ANKRD31: variants seen among roughly 807,000 people sequenced by gnomAD.
The protein encoded by ANKRD31 is ankyrin repeat domain 31.
Under a neutral mutation model 186.0 loss-of-function variants are expected in ANKRD31, and 147 were observed. The observed-to-expected ratio is 0.79, with a 90% confidence interval of 0.69 to 0.91. The LOEUF (loss-of-function observed/expected upper bound fraction) is 0.91, where lower values mean the gene tolerates loss of function less well. Ranked by LOEUF, ANKRD31 falls within the 40% of genes least tolerant of loss-of-function variation. The pLI, the probability that ANKRD31 is intolerant of heterozygous loss-of-function variation, is 0.00. For synonymous variants in ANKRD31, 673 were observed against 736.4 expected, an observed-to-expected ratio of 0.91 and a Z score of 1.39; for missense variants, 1,986 against 2,148.8, an observed-to-expected ratio of 0.92 and a Z score of 1.50.
At chr5:75,203,418 C>T (rs1229036138) in intron 5 of ANKRD31, among the ~76,000 whole-genome samples, 1 of 152,090 alleles carries the variant, frequency 6.6e-6, no homozygotes, top group East Asian at 1.9e-4. Context: ...AATCCCAGCA[C>T]TTTGGGAGAC....
At chr5:75,131,669 C>T (rs113521297) in intron 17 of ANKRD31, among the ~76,000 whole-genome samples, 5,658 of 152,242 alleles carry the variant, frequency 0.037, 345 homozygotes, top group African/African-American at 0.13. Flanking sequence ...TAGTGGTTCT[C>T]CCAGCATGGA....
At chr5:75,175,664 C>CACAA (rs1451769332) in intron 10 of ANKRD31, among the ~76,000 whole-genome samples, 167 of 151,956 alleles carry the variant, frequency 1.1e-3, no homozygotes, top group African/African-American at 3.8e-3. Flanking sequence ...CACACACACA[C>CACAA]ACACACACAC....
chr5:75,231,033 T>C (rs1321194644), intron 1 of ANKRD31, among the ~76,000 whole-genome samples: 2 of 152,152 alleles, frequency 1.3e-5, no homozygotes, highest in Non-Finnish European at 2.9e-5. Context: ...CCCAGGATTA[T>C]ATCTGAGTAT....
At chr5:75,199,307 T>C (rs1755663183) in intron 6 of ANKRD31, among the ~76,000 whole-genome samples, 1 of 152,124 alleles carries the variant, frequency 6.6e-6, no homozygotes, top group Admixed American at 6.5e-5. Flanking sequence ...TAGCACCAAG[T>C]AAAAAGCAAA....
intron 14 of ANKRD31, 29 bp from the exon 15 acceptor site, chr5:75,144,200 T>C (rs1751260745): frequency 5.0e-6 from 2 of 396,458 alleles, no homozygotes; most frequent in Non-Finnish European, 8.9e-6. Context: ...AATATCAGTG[T>C]TGTTGTTCTC....
At chr5:75,179,954 C>G (rs190427729) in intron 10 of ANKRD31, among the ~76,000 whole-genome samples, 2 of 152,282 alleles carry the variant, frequency 1.3e-5, no homozygotes, top group African/African-American at 4.8e-5. Context: ...TCCCTGTTTT[C>G]AGATGACATG....
chr5:75,204,341 A>G (rs1756014798), intron 5 of ANKRD31, among the ~76,000 whole-genome samples: 2 of 152,142 alleles, frequency 1.3e-5, no homozygotes, highest in Non-Finnish European at 2.9e-5. Flanking sequence ...TTGGGGCATG[A>G]GATTATTTCT....
At position 75,147,227 on chromosome 5, in the gene ANKRD31, T is replaced by C. The variant is rs1232464455; in HGVS notation, c.2184A>G (p.Ile728Met). ...KDPNTNVPKG[I>M]GRRKTQHKRT... ...TTTTATGTTGTGTTTTTCTTCTTCC[T>C]ATACCTTTTGGTACGTTTGTGTTGG... The change falls in exon 14 of 26, where the codon ATA becomes ATG. Residue 728 changes from isoleucine to methionine, a missense_variant. Transcript: ENST00000506364. The C allele has an allele frequency of 5.2e-6, 8 of 1,536,274 alleles. No homozygotes were observed. The East Asian group carries it at 2.0e-4, about 38-fold the overall frequency.
intron 19 of ANKRD31, among the ~76,000 whole-genome samples, chr5:75,114,528 T>C (rs545938697): frequency 1.3e-5 from 2 of 152,250 alleles, no homozygotes; most frequent in East Asian, 3.9e-4. Flanking sequence ...GCTTATCAGC[T>C]TAAGGAGATT....
chr5:75,090,463 C>A (rs1439239737), intron 23 of ANKRD31, among the ~76,000 whole-genome samples: 1 of 151,972 alleles, frequency 6.6e-6, no homozygotes, highest in African/African-American at 2.4e-5. Context: ...GTGGGCAGAC[C>A]TGGGTTAAAC....
intron 21 of ANKRD31, among the ~76,000 whole-genome samples, chr5:75,106,994 T>TA: frequency 6.6e-6 from 1 of 151,530 alleles, no homozygotes; most frequent in East Asian, 1.9e-4. Flanking sequence ...TAAAAACTAA[T>TA]AAAAAATAAT....
chr5:75,166,733 A>G (rs1027267823), intron 11 of ANKRD31, among the ~76,000 whole-genome samples: 1 of 152,220 alleles, frequency 6.6e-6, no homozygotes, highest in Non-Finnish European at 1.5e-5. Context: ...AATAAAGGTT[A>G]GTCTGGCATG....
chr5:75,154,349 G>A lies in ANKRD31; in HGVS notation c.1708-4C>T, dbSNP rs1752023315. 2.0e-6 allele frequency: 3 copies of A among 1,524,900 alleles called. No individual in the cohort carries two copies. In the Admixed American group the frequency reaches 6.2e-5, roughly 32 times the overall value. The allele number at this position is 1,524,900 out of a possible 1,614,324, so 94.5% of individuals were successfully genotyped here. A position where few individuals can be genotyped will look rare whatever the true frequency, so the allele number is the denominator to read the frequency against. Reference sequence around the variant, plus strand: ...TCAGAAGAAGTAACTCTGCCACCTAGAAAAAGGTTATTTATGTAAGGGAAC... The same window carrying A: ...TCAGAAGAAGTAACTCTGCCACCTAAAAAAAGGTTATTTATGTAAGGGAAC... On this transcript the variant is annotated splice_region_variant and splice_polypyrimidine_tract_variant and intron_variant, in intron 11 of 25. Transcript: ENST00000506364.
chr5:75,217,604 C>T (rs1252139166), intron 3 of ANKRD31, among the ~76,000 whole-genome samples: 2 of 152,054 alleles, frequency 1.3e-5, no homozygotes, highest in Non-Finnish European at 2.9e-5. Context: ...TTTCTATTTG[C>T]TTGGTGGATT....
At chr5:75,126,441 CA>C (rs200963057) in intron 17 of ANKRD31, among the ~76,000 whole-genome samples, 13 of 150,938 alleles carry the variant, frequency 8.6e-5, no homozygotes, top group East Asian at 3.9e-4. Context: ...GACTCCATCT[CA>C]AAAAAAAAGT....
intron 22 of ANKRD31, among the ~76,000 whole-genome samples, chr5:75,102,864 G>A (rs376913278): frequency 6.6e-6 from 1 of 152,142 alleles, no homozygotes; most frequent in Non-Finnish European, 1.5e-5. Context: ...GGAATTCCCG[G>A]ACCCCTTGCA....
At chr5:75,105,870 C>T (rs993204319) in intron 21 of ANKRD31, among the ~76,000 whole-genome samples, 8 of 152,220 alleles carry the variant, frequency 5.3e-5, no homozygotes, top group South Asian at 2.1e-4. Flanking sequence ...TTCTCAAGAC[C>T]TTGAGGACTA....
intron 22 of ANKRD31, among the ~76,000 whole-genome samples, chr5:75,097,757 C>G (rs193174847): frequency 6.6e-6 from 1 of 152,052 alleles, no homozygotes; most frequent in African/African-American, 2.4e-5. Context: ...AATGGTATTG[C>G]CTAGGTTTTC....
At chr5:75,192,427 T>C (rs1316041446) in intron 9 of ANKRD31, among the ~76,000 whole-genome samples, 1 of 152,194 alleles carries the variant, frequency 6.6e-6, no homozygotes, top group African/African-American at 2.4e-5. Flanking sequence ...AAGAGGTCTG[T>C]AACTACTCTT....
Sources: gnomAD v4.1 joint callset for allele counts (sites outside exome capture counted in the v4.1 genomes callset) on GRCh38, gnomAD v4.1.1 for gene constraint, MANE v1.5 for transcripts, NCBI Gene and HGNC (gene_info 2026-07-23, HGNC 2026-07-21) for gene names.